Variants in FHIT observed in about 807,000 individuals in gnomAD.
The protein encoded by FHIT is fragile histidine triad diadenosine triphosphatase.
In FHIT, 19 loss-of-function variants were observed where a neutral mutation model predicts 17.9. The ratio of observed to expected loss-of-function variants is 1.06; its 90% CI spans 0.74 to 1.56. The LOEUF (loss-of-function observed/expected upper bound fraction) is 1.56. FHIT is among the 40% of genes most tolerant of loss of function. The probability of loss-of-function intolerance (pLI) is 0.00; values close to 1 mark genes in which losing one functional copy is unlikely to be tolerated. For synonymous variants in FHIT, 81 were observed against 69.7 expected, an observed-to-expected ratio of 1.16 and a Z score of -0.81; for missense variants, 248 against 189.2, an observed-to-expected ratio of 1.31 and a Z score of -1.82.
intron 3 of FHIT, among the ~76,000 whole-genome samples, chr3:60,897,190 T>C (rs2107205191): frequency 6.6e-6 from 1 of 152,264 alleles, no homozygotes; most frequent in South Asian, 2.1e-4. Context: ...ATTCAAACAA[T>C]CTCCTCATTA....
intron 5 of FHIT, among the ~76,000 whole-genome samples, chr3:60,432,422 A>T (rs1702948236): frequency 6.6e-6 from 1 of 152,132 alleles, no homozygotes; most frequent in Non-Finnish European, 1.5e-5. Context: ...CTGAGGGAAC[A>T]TGCTTCCATC....
In FHIT at chr3:59,992,767, G is replaced by A. The variant is rs941671050; in HGVS notation, c.279+18604C>T. On this transcript the variant is annotated intron_variant, in intron 7 of 9. Coordinates refer to ENST00000492590, the MANE Select transcript of FHIT (RefSeq NM_002012.4). ...TCATCTGTGCCACAGACATTGACATGCAGCTTAGTCACAGAACAGAGAGAA... is the reference window on the plus strand; with the variant it reads ...TCATCTGTGCCACAGACATTGACATACAGCTTAGTCACAGAACAGAGAGAA... Among the ~76,000 whole-genome samples, 66 of 152,110 alleles carry A rather than the reference G, an allele frequency of 4.3e-4. 1 individual carries two copies. The highest frequency in any genetic ancestry group is 1.4e-3 in the African/African-American group (60 of 41,542).
chr3:60,319,061 C>T (rs911096468), intron 5 of FHIT, among the ~76,000 whole-genome samples: 7 of 152,156 alleles, frequency 4.6e-5, no homozygotes, highest in African/African-American at 1.7e-4. Context: ...GACTACCCTG[C>T]ACCCACCCAC....
chr3:60,029,899 G>GTGTGTC (rs1553655745), intron 5 of FHIT, among the ~76,000 whole-genome samples: 101 of 123,284 alleles, frequency 8.2e-4, no homozygotes, highest in East Asian at 2.3e-3. Context: ...GTGTGTGTCT[G>GTGTGTC]TGTGTGTGTG....
intron 8 of FHIT, among the ~76,000 whole-genome samples, chr3:59,764,158 G>A (rs1233887278): frequency 6.6e-6 from 1 of 152,146 alleles, no homozygotes; most frequent in Non-Finnish European, 1.5e-5. Context: ...TGCCTATAAT[G>A]AACTTTCCCC....
At chr3:60,467,542 T>A (rs1025831785) in intron 5 of FHIT, among the ~76,000 whole-genome samples, 6 of 152,046 alleles carry the variant, frequency 3.9e-5, no homozygotes, top group African/African-American at 1.4e-4. Flanking sequence ...TTTGTTTCAA[T>A]ATATTTTTAA....
intron 5 of FHIT, among the ~76,000 whole-genome samples, chr3:60,308,367 T>G (rs1459650696): frequency 6.6e-6 from 1 of 152,044 alleles, no homozygotes; most frequent in African/African-American, 2.4e-5. Context: ...GTTTACAGGG[T>G]TAACTGACAA....
At chr3:60,733,552 A>G (rs1380552506) in intron 4 of FHIT, among the ~76,000 whole-genome samples, 1 of 152,086 alleles carries the variant, frequency 6.6e-6, no homozygotes. Flanking sequence ...ACCCACCTCA[A>G]CCAACCATCC....
At chr3:59,872,672 A>ATATCTTTCTC (rs1702976313) in intron 8 of FHIT, among the ~76,000 whole-genome samples, 1 of 152,230 alleles carries the variant, frequency 6.6e-6, no homozygotes, top group African/African-American at 2.4e-5. Flanking sequence ...ATGTTTCTCA[A>ATATCTTTCTC]TATCTTTCTC....
At chr3:60,953,100 T>C (rs574285126) in intron 3 of FHIT, among the ~76,000 whole-genome samples, 3 of 152,340 alleles carry the variant, frequency 2.0e-5, no homozygotes, top group Non-Finnish European at 2.9e-5. Flanking sequence ...ACTCTCAATA[T>C]GCCTTAAGAA....
intron 5 of FHIT, among the ~76,000 whole-genome samples, chr3:60,227,474 T>C (rs1704267284): frequency 6.6e-6 from 1 of 152,196 alleles, no homozygotes; most frequent in South Asian, 2.1e-4. Flanking sequence ...TATGTTTTCA[T>C]TATTTACATT....
At chr3:60,644,832 C>T (rs782407048) in intron 4 of FHIT, among the ~76,000 whole-genome samples, 1 of 152,184 alleles carries the variant, frequency 6.6e-6, no homozygotes, top group Non-Finnish European at 1.5e-5. Flanking sequence ...CCAGATCACC[C>T]TGTGGCCCCT....
At chr3:60,861,399 G>C (rs1703883679) in intron 3 of FHIT, among the ~76,000 whole-genome samples, 2 of 150,140 alleles carry the variant, frequency 1.3e-5, no homozygotes, top group South Asian at 4.2e-4. Flanking sequence ...CTTTGTTATG[G>C]AGGGCTGTCC....
At chr3:60,412,014 G>A (rs560584201) in intron 5 of FHIT, among the ~76,000 whole-genome samples, 4 of 151,902 alleles carry the variant, frequency 2.6e-5, no homozygotes, top group African/African-American at 9.7e-5. Context: ...GGGGTGGGGG[G>A]AAACATTTTT....
At position 60,888,028 on chromosome 3, in the gene FHIT, T is replaced by A. The variant is rs531712454; in HGVS notation, c.-110-66017A>T. 1.3e-4 allele frequency among the ~76,000 whole-genome samples: 20 copies of A among 152,290 alleles called. No homozygotes were observed. In the South Asian group the frequency reaches 4.1e-3, roughly 32 times the overall value. ...GTAATCCCTAAAAGATTAAATGATATTTCCAAAGAAACAACAAGTTGGTAA... is the reference window on the plus strand; with the variant it reads ...GTAATCCCTAAAAGATTAAATGATAATTCCAAAGAAACAACAAGTTGGTAA... On this transcript the variant is annotated intron_variant, in intron 3 of 9. Transcript: ENST00000492590.
At position 60,445,071 on chromosome 3, in the gene FHIT, C is replaced by T. The variant is rs181146325; in HGVS notation, c.103+91789G>A. ...ATGTGGCTTAGTTACCTGAGCCCTACCTGGTAACTCCATGTGGATTACCAT... is the reference window on the plus strand; with the variant it reads ...ATGTGGCTTAGTTACCTGAGCCCTATCTGGTAACTCCATGTGGATTACCAT... On this transcript the variant is annotated intron_variant, in intron 5 of 9. Transcript: ENST00000492590. 1.8e-4 allele frequency among the ~76,000 whole-genome samples: 27 copies of T among 152,172 alleles called. No homozygotes were observed. The East Asian group carries it at 5.0e-3, about 28-fold the overall frequency.
chr3:60,346,411 T>C (rs554744288), intron 5 of FHIT, among the ~76,000 whole-genome samples: 1 of 152,294 alleles, frequency 6.6e-6, no homozygotes, highest in East Asian at 1.9e-4. Context: ...CAACTGGACA[T>C]GCCCAAAGCA....
At chr3:60,632,084 G>GT (rs142879488) in intron 4 of FHIT, among the ~76,000 whole-genome samples, 7,078 of 149,228 alleles carry the variant, frequency 0.047, 238 homozygotes, top group Middle Eastern at 0.089. Flanking sequence ...GGAAAGAAGT[G>GT]TTTTTTTTTT....
intron 5 of FHIT, among the ~76,000 whole-genome samples, chr3:60,403,652 A>C (rs948132465): frequency 6.6e-6 from 1 of 152,126 alleles, no homozygotes; most frequent in Non-Finnish European, 1.5e-5. Flanking sequence ...CCATACCCAG[A>C]AGCAAGGAAT....
Sources: gnomAD v4.1 joint callset for allele counts (sites outside exome capture counted in the v4.1 genomes callset) on GRCh38, gnomAD v4.1.1 for gene constraint, MANE v1.5 for transcripts, NCBI Gene and HGNC (gene_info 2026-07-23, HGNC 2026-07-21) for gene names.